The following CEP126 variants were observed in gnomAD, a reference collection of about 807,000 sequenced individuals.
CEP126 encodes the protein centrosomal protein 126.
A neutral mutation model predicts 107.8 loss-of-function variants in CEP126; 74 were observed. The observed-to-expected ratio is 0.69, with a 90% confidence interval of 0.57 to 0.83. The LOEUF is 0.83. CEP126 is among the 40% of genes least tolerant of loss of function. The pLI, the probability that CEP126 is intolerant of heterozygous loss-of-function variation, is 0.00. For missense variants in CEP126, 1,237 were observed against 1,281.9 expected (o/e 0.96, Z 0.53); for synonymous variants, 449 against 446.0 (o/e 1.01, Z -0.08).
intron 6 of CEP126, among the ~76,000 whole-genome samples, chr11:101,968,142 AC>A (rs1941079296): frequency 6.6e-6 from 1 of 152,256 alleles, no homozygotes; most frequent in African/African-American, 2.4e-5. Flanking sequence ...ACTTGAATAG[AC>A]AGAACTATGA....
intron 9 of CEP126, among the ~76,000 whole-genome samples, chr11:101,987,317 ACCAT>A (rs1941327838): frequency 6.6e-6 from 1 of 152,204 alleles, no homozygotes; most frequent in East Asian, 1.9e-4. Context: ...ATCTATACTG[ACCAT>A]CCATCAAAAC....
intron 2 of CEP126, among the ~76,000 whole-genome samples, chr11:101,930,805 C>T (rs900947769): frequency 2.0e-5 from 3 of 152,222 alleles, no homozygotes; most frequent in African/African-American, 7.2e-5. Context: ...CTTCACCTCT[C>T]ATTGTTATTT....
At chr11:101,995,147 T>C (rs1386522130) in intron 10 of CEP126, among the ~76,000 whole-genome samples, 1 of 151,656 alleles carries the variant, frequency 6.6e-6, no homozygotes, top group Non-Finnish European at 1.5e-5. Flanking sequence ...TTACTGAATC[T>C]TTTTTTTTAT....
intron 10 of CEP126, among the ~76,000 whole-genome samples, chr11:101,994,836 A>T (rs1941423576): frequency 6.6e-6 from 1 of 151,596 alleles, no homozygotes; most frequent in Non-Finnish European, 1.5e-5. Flanking sequence ...AGAAGTGTAC[A>T]TCGGTAAGTA....
chr11:101,963,267 T>G lies in CEP126; in HGVS notation c.2232T>G (p.Thr744=). 1 of 1,613,930 alleles carries G rather than the reference T, an allele frequency of 6.2e-7. No individual in the cohort carries two copies. The highest frequency in any genetic ancestry group is 8.5e-7 in the Non-Finnish European group (1 of 1,179,986). Residue 744 remains threonine, a synonymous_variant, in exon 6 of 11, where the codon ACT becomes ACG. Transcript: ENST00000263468. ...SKIPVHDDSK[T]KQGKPQRGRA... Reference sequence around the variant, plus strand: ...TCCCTGTACATGATGATTCTAAAACTAAGCAAGGTAAGCCACAAAGAGGTA... The same window carrying G: ...TCCCTGTACATGATGATTCTAAAACGAAGCAAGGTAAGCCACAAAGAGGTA...
At chr11:101,977,920 C>A (rs922482405) in intron 6 of CEP126, among the ~76,000 whole-genome samples, 3 of 152,176 alleles carry the variant, frequency 2.0e-5, no homozygotes, top group African/African-American at 7.2e-5. Context: ...TTTAAGATAA[C>A]TGAGTTTACT....
At chr11:101,946,364 C>T (rs924639566) in intron 3 of CEP126, among the ~76,000 whole-genome samples, 5 of 151,960 alleles carry the variant, frequency 3.3e-5, no homozygotes, top group Non-Finnish European at 7.4e-5. Flanking sequence ...AAAAATTAGC[C>T]AGGCATGGTA....
intron 10 of CEP126, among the ~76,000 whole-genome samples, chr11:101,994,828 A>AT (rs1941423399): frequency 6.6e-6 from 1 of 152,152 alleles, no homozygotes; most frequent in Non-Finnish European, 1.5e-5. Context: ...AACTGCTAAG[A>AT]AGTGTACATC....
chr11:101,947,244 C>T (rs923746858), intron 3 of CEP126, among the ~76,000 whole-genome samples: 13 of 151,958 alleles, frequency 8.6e-5, no homozygotes, highest in Non-Finnish European at 1.0e-4. Flanking sequence ...ATTCACTCAC[C>T]CTATTTCTAG....
intron 1 of CEP126, 33 bp downstream of exon 1, chr11:101,915,445 C>T (rs762312229): frequency 1.3e-6 from 2 of 1,583,468 alleles, no homozygotes; most frequent in South Asian, 2.2e-5. Flanking sequence ...GCCAGGGTAG[C>T]GATGTTGAAA....
At chr11:101,982,143 G>C (rs565441186) in intron 8 of CEP126, among the ~76,000 whole-genome samples, 179 bp downstream of exon 8, 36 of 152,122 alleles carry the variant, frequency 2.4e-4, no homozygotes, top group Non-Finnish European at 4.3e-4. Flanking sequence ...AAATAATAAT[G>C]TATTGAACAT....
At chr11:101,973,410 A>T (rs1042860461) in intron 6 of CEP126, among the ~76,000 whole-genome samples, 1 of 152,196 alleles carries the variant, frequency 6.6e-6, no homozygotes, top group Non-Finnish European at 1.5e-5. Flanking sequence ...GCAAACTAAC[A>T]CAGGAACAGA....
In CEP126 at chr11:101,992,975, C is replaced by G. The variant is rs1274901; in HGVS notation, c.3309+133C>G. The G allele has an allele frequency of 4.6e-6, 4 of 877,804 alleles. No homozygotes were observed. In the Admixed American group the frequency reaches 1.8e-4, roughly 39 times the overall value. 54.4% of individuals were successfully genotyped at this position (877,804 alleles called of 1,614,324 possible). A position where few individuals can be genotyped will look rare whatever the true frequency, so the allele number is the denominator to read the frequency against. On this transcript the variant is annotated intron_variant, in intron 10 of 10. Transcript: ENST00000263468. Reference sequence around the variant, plus strand: ...TGGTTTATAGAGGTTTTCTCCTCAACTGGCTTTTTATTATAAGACTGTTCA... The same window carrying G: ...TGGTTTATAGAGGTTTTCTCCTCAAGTGGCTTTTTATTATAAGACTGTTCA...
chr11:101,917,026 CAATGTGTGTGTGT>C (rs1348677722), intron 1 of CEP126, among the ~76,000 whole-genome samples: 2 of 110,798 alleles, frequency 1.8e-5, no homozygotes, highest in African/African-American at 7.4e-5. Context: ...TAAAATCCAA[CAATGTGTGTGTGT>C]GTGTGTGTGT....
intron 7 of CEP126, among the ~76,000 whole-genome samples, chr11:101,980,267 A>C (rs907161933): frequency 6.6e-6 from 1 of 152,148 alleles, no homozygotes; most frequent in Non-Finnish European, 1.5e-5. Flanking sequence ...TTCCCATCCA[A>C]CGTCTCAAAA....
chr11:101,992,358 T>C (rs1164845438), intron 9 of CEP126, among the ~76,000 whole-genome samples: 1 of 152,102 alleles, frequency 6.6e-6, no homozygotes, highest in East Asian at 1.9e-4. Flanking sequence ...CTTGCTATTA[T>C]ATAGACAAAA....
intron 1 of CEP126, among the ~76,000 whole-genome samples, chr11:101,915,836 C>G (rs1361615056): frequency 2.6e-5 from 4 of 152,198 alleles, no homozygotes. Context: ...GTTATCCTAA[C>G]ACAGCCCTAA....
intron 6 of CEP126, among the ~76,000 whole-genome samples, chr11:101,967,532 T>C (rs1941072212): frequency 6.6e-6 from 1 of 152,184 alleles, no homozygotes. Context: ...TGATCAACAT[T>C]ACTGAGTATT....
chr11:101,981,764 A>G, intron 7 of CEP126, 125 bp from the exon 8 acceptor site: 1 of 572,304 alleles, frequency 1.7e-6, no homozygotes, highest in Non-Finnish European at 3.1e-6. Flanking sequence ...AATGTAATAT[A>G]CAAGTTACAT....
Sources: allele counts gnomAD v4.1 joint callset (sites outside exome capture counted in the v4.1 genomes callset), GRCh38; gene constraint gnomAD v4.1.1; transcripts MANE v1.5; gene names NCBI Gene and HGNC (gene_info 2026-07-23, HGNC 2026-07-21).